The following ZNF385D variants were observed in gnomAD, a reference collection of about 807,000 sequenced individuals.
ZNF385D encodes zinc finger protein 385D, also known as zinc finger protein 659.
In ZNF385D, 15 loss-of-function variants were observed where a neutral mutation model predicts 35.8. That is an observed-to-expected ratio of 0.42 (90% confidence interval 0.28 to 0.64). The LOEUF (loss-of-function observed/expected upper bound fraction) is 0.64. ZNF385D is among the 30% of genes least tolerant of loss of function. The pLI is 0.23. For missense variants in ZNF385D, 474 were observed against 494.6 expected (o/e 0.96, Z 0.39); for synonymous variants, 212 against 186.8 (o/e 1.13, Z -1.10).
chr3:21,665,994 A>G (rs1224168402), intron 1 of ZNF385D, among the ~76,000 whole-genome samples: 2 of 152,240 alleles, frequency 1.3e-5, no homozygotes, highest in Non-Finnish European at 2.9e-5. Context: ...GAATCCAACA[A>G]GCATTAGGAA....
intron 1 of ZNF385D, among the ~76,000 whole-genome samples, chr3:21,704,454 C>T (rs570791637): frequency 1.3e-5 from 2 of 152,106 alleles, no homozygotes; most frequent in South Asian, 4.2e-4. Context: ...CCTTTCCCTA[C>T]CCCATGTTAT....
At chr3:22,132,884 A>C (rs956380981) in intron 3 of ZNF385D, among the ~76,000 whole-genome samples, 1 of 152,126 alleles carries the variant, frequency 6.6e-6, no homozygotes, top group Non-Finnish European at 1.5e-5. Context: ...GGAAGAGATT[A>C]ACCCAACCAA....
At chr3:22,320,890 C>A (rs1027595416) in intron 2 of ZNF385D, among the ~76,000 whole-genome samples, 1 of 151,554 alleles carries the variant, frequency 6.6e-6, no homozygotes, top group Non-Finnish European at 1.5e-5. Context: ...AAATTTTGTA[C>A]ATTTTAAATA....
intron 3 of ZNF385D, among the ~76,000 whole-genome samples, chr3:22,081,123 C>T (rs968399493): frequency 6.6e-6 from 1 of 152,150 alleles, no homozygotes; most frequent in Non-Finnish European, 1.5e-5. Flanking sequence ...TTAATGTCTC[C>T]TATATCCACT....
chr3:21,851,529 T>C (rs1302817982), intron 3 of ZNF385D, among the ~76,000 whole-genome samples: 6 of 151,968 alleles, frequency 3.9e-5, no homozygotes, highest in Non-Finnish European at 1.5e-5. Context: ...TGTCCTTAAA[T>C]AGCCAATGAA....
chr3:21,995,295 G>A (rs1695391960), intron 3 of ZNF385D, among the ~76,000 whole-genome samples: 1 of 152,190 alleles, frequency 6.6e-6, no homozygotes, highest in South Asian at 2.1e-4. Flanking sequence ...AGGCCATGTG[G>A]GTCAATTCCC....
chr3:22,069,874 T>C (rs895170294), intron 3 of ZNF385D, among the ~76,000 whole-genome samples: 1 of 152,318 alleles, frequency 6.6e-6, no homozygotes, highest in South Asian at 2.1e-4. Flanking sequence ...CTTTGCTCTA[T>C]GTCTCCTTTT....
chr3:22,249,388 C>T (rs1699954288), intron 2 of ZNF385D, among the ~76,000 whole-genome samples: 1 of 152,082 alleles, frequency 6.6e-6, no homozygotes, highest in African/African-American at 2.4e-5. Context: ...ATCAGAAACT[C>T]GGAAGAAATG....
chr3:22,008,005 GTTTC>G (rs1559843571), intron 3 of ZNF385D, among the ~76,000 whole-genome samples: 1 of 151,844 alleles, frequency 6.6e-6, no homozygotes, highest in Admixed American at 6.6e-5. Context: ...AACTTGTATA[GTTTC>G]TTTCTTTATA....
chr3:22,185,598 G>T (rs1308658919), intron 2 of ZNF385D, among the ~76,000 whole-genome samples: 1 of 152,094 alleles, frequency 6.6e-6, no homozygotes, highest in Non-Finnish European at 1.5e-5. Flanking sequence ...CCCCTGAGTA[G>T]CTGGGATTAC....
chr3:21,993,724 T>C (rs373899533), intron 3 of ZNF385D, among the ~76,000 whole-genome samples: 2 of 152,268 alleles, frequency 1.3e-5, no homozygotes, highest in South Asian at 2.1e-4. Context: ...TTCCTACTAA[T>C]ACAAAAACAT....
intron 3 of ZNF385D, among the ~76,000 whole-genome samples, chr3:22,129,314 T>C (rs1703634986): frequency 6.6e-6 from 1 of 152,130 alleles, no homozygotes; most frequent in African/African-American, 2.4e-5. Context: ...GCCTAAGGCC[T>C]GTTGTGACTA....
intron 2 of ZNF385D, among the ~76,000 whole-genome samples, chr3:22,263,083 A>G (rs544882842): frequency 1.5e-4 from 23 of 152,070 alleles, no homozygotes; most frequent in African/African-American, 5.5e-4. Context: ...TTGCTCACTG[A>G]CCTTCCGTGG....
At chr3:22,107,386 T>C (rs922933025) in intron 3 of ZNF385D, among the ~76,000 whole-genome samples, 1 of 152,128 alleles carries the variant, frequency 6.6e-6, no homozygotes, top group Middle Eastern at 3.4e-3. Context: ...ATTTTCTAGA[T>C]TTTTTTCTGA....
intron 3 of ZNF385D, among the ~76,000 whole-genome samples, chr3:22,123,772 G>T (rs1265598906): frequency 6.6e-6 from 1 of 151,962 alleles, no homozygotes; most frequent in Non-Finnish European, 1.5e-5. Context: ...GAGGCAGGGA[G>T]AATTGCTTGA....
rs752571574 is a variant in ZNF385D, at chr3:21,664,962, G to A, written c.89C>T (p.Ser30Leu). The change falls in exon 2 of 8, where the codon TCG (serine) becomes TTG (leucine). Residue 30 changes from serine (S) to leucine (L), a missense_variant. Transcript: ENST00000281523. The stretch of plus-strand genomic sequence containing the variant: ...GGGAAGAAATGGTTTAATATCCAGC[G>A]ATGGTTGCAAAGGAGGGGCTGGTGG... ...VRPPAPPLQP[S>L]LDIKPFLPFP... is the part of the protein sequence containing the mutation. 84 of 1,613,560 alleles carry A rather than the reference G, an allele frequency of 5.2e-5. No homozygotes were observed. The highest frequency in any genetic ancestry group is 6.5e-5 in the Non-Finnish European group (77 of 1,179,722).
chr3:21,751,024 G>C lies in ZNF385D; in HGVS notation c.-108C>G. 6.3e-7 allele frequency: 1 copy of C among 1,596,854 alleles called. No homozygotes were observed. The highest frequency in any genetic ancestry group is 1.1e-5 in the South Asian group (1 of 88,686). The stretch of plus-strand genomic sequence containing the variant: ...TGCTACATTCGGTGGAAATGTCCCC[G>C]GCGTGGAGAGCAGTGAGCGCCGAGA... On this transcript the variant is annotated 5_prime_UTR_variant, in exon 1 of 8. Transcript: ENST00000281523.
chr3:21,599,531 C>G (rs994268509), intron 2 of ZNF385D, among the ~76,000 whole-genome samples: 1 of 152,150 alleles, frequency 6.6e-6, no homozygotes, highest in Non-Finnish European at 1.5e-5. Context: ...AATCCTTTTG[C>G]TGACTATAAT....
At chr3:22,346,579 A>G (rs954117165) in intron 2 of ZNF385D, among the ~76,000 whole-genome samples, 1 of 152,232 alleles carries the variant, frequency 6.6e-6, no homozygotes, top group Non-Finnish European at 1.5e-5. Flanking sequence ...GTATCCAATG[A>G]ACCAAATCCA....
Sources: gnomAD v4.1 joint callset for allele counts (sites outside exome capture counted in the v4.1 genomes callset) on GRCh38, gnomAD v4.1.1 for gene constraint, MANE v1.5 for transcripts, NCBI Gene and HGNC (gene_info 2026-07-23, HGNC 2026-07-21) for gene names.